The following ASB3 variants were observed in gnomAD, a reference collection of about 807,000 sequenced individuals.
ASB3 encodes the protein ankyrin repeat and SOCS box protein 3.
Under a neutral mutation model 54.5 loss-of-function variants are expected in ASB3, and 41 were observed. That is an observed-to-expected ratio of 0.75 (90% confidence interval 0.59 to 0.98). The LOEUF (loss-of-function observed/expected upper bound fraction) is 0.98. Ranked by LOEUF, ASB3 falls within the 50% of genes least tolerant of loss-of-function variation. ASB3 has a pLI of 0.00. For missense variants in ASB3, 733 were observed against 620.0 expected, an observed-to-expected ratio of 1.18 and a Z score of -1.94; for synonymous variants, 266 against 221.2, an observed-to-expected ratio of 1.20 and a Z score of -1.80.
intron 8 of ASB3, among the ~76,000 whole-genome samples, 188 bp downstream of exon 8, chr2:53,700,083 T>A (rs553201895): frequency 6.6e-6 from 1 of 152,122 alleles, no homozygotes; most frequent in Non-Finnish European, 1.5e-5. Context: ...TCACCTCTTA[T>A]CTTTTCCCAG....
intron 2 of ASB3, among the ~76,000 whole-genome samples, chr2:53,752,090 T>C (rs895194646): frequency 3.3e-5 from 5 of 152,192 alleles, no homozygotes; most frequent in Non-Finnish European, 5.9e-5. Context: ...TAGACATCAG[T>C]AGATTGGCTC....
chr2:53,752,116 CAAT>C (rs1672548631), intron 2 of ASB3, among the ~76,000 whole-genome samples: 1 of 152,076 alleles, frequency 6.6e-6, no homozygotes, highest in Non-Finnish European at 1.5e-5. Context: ...TGGAAAATTT[CAAT>C]ATTATAAAGA....
chr2:53,717,198 C>T (rs1443573484), intron 5 of ASB3, among the ~76,000 whole-genome samples: 1 of 151,986 alleles, frequency 6.6e-6, no homozygotes, highest in Non-Finnish European at 1.5e-5. Flanking sequence ...TTCTGGGGCC[C>T]AATAAGTAAA....
chr2:53,699,768 G>C (rs2103761229), intron 8 of ASB3, among the ~76,000 whole-genome samples: 1 of 152,290 alleles, frequency 6.6e-6, no homozygotes, highest in South Asian at 2.1e-4. Flanking sequence ...CTCGGCGTTT[G>C]TATAATCTCT....
chr2:53,755,871 G>T (rs1463818520), intron 2 of ASB3, among the ~76,000 whole-genome samples: 1 of 152,120 alleles, frequency 6.6e-6, no homozygotes, highest in Non-Finnish European at 1.5e-5. Context: ...ATAAGGCAAG[G>T]CCTAATGCAG....
At chr2:53,768,303 A>T in intron 1 of ASB3, 1 of 370,804 alleles carries the variant, frequency 2.7e-6, no homozygotes, top group Admixed American at 4.1e-5. Context: ...CTGAGTGCGG[A>T]GATGGGGACT....
chr2:53,754,665 C>T (rs1672716510), intron 2 of ASB3, among the ~76,000 whole-genome samples: 1 of 152,182 alleles, frequency 6.6e-6, no homozygotes, highest in South Asian at 2.1e-4. Context: ...CTCTCTGAGG[C>T]TCAGGTTCCA....
intron 9 of ASB3, among the ~76,000 whole-genome samples, chr2:53,674,592 A>T (rs1350194597): frequency 6.6e-6 from 1 of 152,154 alleles, no homozygotes; most frequent in Non-Finnish European, 1.5e-5. Context: ...TATTTTCTAC[A>T]TTCATCTTTA....
intron 5 of ASB3, 117 bp downstream of exon 5, chr2:53,728,595 T>A: frequency 7.7e-7 from 1 of 1,303,160 alleles, no homozygotes; most frequent in Non-Finnish European, 9.9e-7. Context: ...ATTTACCACT[T>A]ACATAAAACC....
chr2:53,686,800 T>G (rs1668657650), intron 9 of ASB3, among the ~76,000 whole-genome samples: 1 of 152,150 alleles, frequency 6.6e-6, no homozygotes, highest in Non-Finnish European at 1.5e-5. Context: ...CACTGCAACC[T>G]CCACCTCCTG....
rs1669424467 is a variant in ASB3 at position 53,700,430 on chromosome 2, A to G, written c.1079T>C (p.Ile360Thr). ...AYCLKYEKFS[I>T]FRYFLRKGCS... The stretch of plus-strand genomic sequence containing the variant: ...ACCTTTCCTCAAAAAGTAGCGAAAT[A>G]TCGAAAACTTCTCGTACTTCAGGCA... The change falls in exon 8 of 10, where the codon ATA becomes ACA. Residue 360 changes from isoleucine (I) to threonine (T), a missense_variant. Transcript: ENST00000263634. 1.2e-6 allele frequency: 2 copies of G among 1,614,144 alleles called. No homozygotes were observed. The highest frequency in any genetic ancestry group is 4.5e-5 in the East Asian group (2 of 44,862).
chr2:53,747,599 C>A (rs931379276), intron 3 of ASB3, among the ~76,000 whole-genome samples: 1 of 152,154 alleles, frequency 6.6e-6, no homozygotes, highest in Non-Finnish European at 1.5e-5. Context: ...TAAGAGAGGT[C>A]TTCTCAGAAT....
intron 3 of ASB3, among the ~76,000 whole-genome samples, chr2:53,740,283 C>T (rs1450408516): frequency 6.6e-6 from 1 of 151,966 alleles, no homozygotes; most frequent in African/African-American, 2.4e-5. Flanking sequence ...ACTTTTTTCC[C>T]CCACCTCTTT....
chr2:53,765,642 A>G, intron 1 of ASB3, 57 bp from the exon 2 acceptor site: 1 of 1,600,158 alleles, frequency 6.2e-7, no homozygotes, highest in Non-Finnish European at 8.5e-7. Context: ...CTTCACTCCT[A>G]GAGGTCAGCA....
intron 3 of ASB3, among the ~76,000 whole-genome samples, chr2:53,749,879 T>C (rs1672423328): frequency 1.3e-5 from 2 of 152,022 alleles, no homozygotes; most frequent in Non-Finnish European, 2.9e-5. Flanking sequence ...ATTTTATGAA[T>C]ACATCAAAAC....
intron 3 of ASB3, among the ~76,000 whole-genome samples, chr2:53,747,325 C>T (rs1440716638): frequency 3.3e-5 from 5 of 152,140 alleles, no homozygotes; most frequent in East Asian, 1.9e-4. Flanking sequence ...GCAGGCAGAT[C>T]GCCTGAGGTC....
chr2:53,701,206 C>T (rs963017463), intron 7 of ASB3, among the ~76,000 whole-genome samples: 4 of 152,104 alleles, frequency 2.6e-5, no homozygotes, highest in Non-Finnish European at 4.4e-5. Context: ...AACTCCTGGC[C>T]TCAATGAATC....
chr2:53,767,937 T>C (rs1393524063), intron 1 of ASB3: 1 of 1,614,072 alleles, frequency 6.2e-7, no homozygotes, highest in Non-Finnish European at 8.5e-7. Flanking sequence ...ATTTCCCCTA[T>C]CAGGACAAGC....
intron 5 of ASB3, 58 bp downstream of exon 5, chr2:53,728,654 G>C: frequency 1.4e-6 from 2 of 1,399,958 alleles, no homozygotes; most frequent in African/African-American, 1.4e-5. Context: ...TATTCCTCTA[G>C]GAAATATAGT....
Sources: allele counts gnomAD v4.1 joint callset (sites outside exome capture counted in the v4.1 genomes callset), GRCh38; gene constraint gnomAD v4.1.1; transcripts MANE v1.5; gene names NCBI Gene and HGNC (gene_info 2026-07-23, HGNC 2026-07-21).